DOCK2: variants seen among roughly 807,000 people sequenced by gnomAD.
DOCK2 encodes dedicator of cytokinesis 2.
In DOCK2, 87 loss-of-function variants were observed where a neutral mutation model predicts 248.9. That is an observed-to-expected ratio of 0.35 (90% confidence interval 0.29 to 0.42). The LOEUF (loss-of-function observed/expected upper bound fraction) is 0.42. DOCK2 is among the 10% of genes least tolerant of loss of function. DOCK2 has a pLI of 1.00. For missense variants in DOCK2, 1,747 were observed against 2,300.2 expected, an observed-to-expected ratio of 0.76 and a Z score of 4.92; for synonymous variants, 805 against 821.6, an observed-to-expected ratio of 0.98 and a Z score of 0.35.
intron 27 of DOCK2, among the ~76,000 whole-genome samples, chr5:169,845,597 C>T (rs527562136): frequency 6.6e-6 from 1 of 152,336 alleles, no homozygotes; most frequent in South Asian, 2.1e-4. Flanking sequence ...GCTTTCCCCT[C>T]AGATTGCTCT....
intron 34 of DOCK2, among the ~76,000 whole-genome samples, chr5:170,032,646 A>G (rs1404619958): frequency 6.6e-6 from 1 of 152,228 alleles, no homozygotes; most frequent in Non-Finnish European, 1.5e-5. Flanking sequence ...GGAGGCATGC[A>G]CAGCTGTGGC....
chr5:169,981,045 C>G (rs1026221802), intron 27 of DOCK2, among the ~76,000 whole-genome samples: 2 of 152,166 alleles, frequency 1.3e-5, no homozygotes, highest in Admixed American at 6.5e-5. Flanking sequence ...TGACAGACCC[C>G]TTGCTTAGAA....
At chr5:169,982,037 A>G (rs1216867831) in intron 27 of DOCK2, among the ~76,000 whole-genome samples, 44 of 151,318 alleles carry the variant, frequency 2.9e-4, no homozygotes, top group Admixed American at 2.8e-3. Flanking sequence ...ACTTTTTTAT[A>G]TAAAAAAGGC....
chr5:169,942,112 C>G (rs947193253), intron 27 of DOCK2, among the ~76,000 whole-genome samples: 14 of 152,142 alleles, frequency 9.2e-5, no homozygotes, highest in African/African-American at 3.4e-4. Context: ...TTGACCTTTT[C>G]CAAGGTATCA....
At chr5:169,815,564 A>C (rs1768017526) in intron 26 of DOCK2, among the ~76,000 whole-genome samples, 1 of 152,206 alleles carries the variant, frequency 6.6e-6, no homozygotes, top group African/African-American at 2.4e-5. Flanking sequence ...AAAATTCAGT[A>C]ATCAAATCAA....
intron 22 of DOCK2, among the ~76,000 whole-genome samples, chr5:169,741,321 G>T (rs777935350): frequency 1.3e-5 from 2 of 149,290 alleles, no homozygotes; most frequent in African/African-American, 2.5e-5. Context: ...TGACTTAAAT[G>T]TGCCTGCCTA....
chr5:170,056,930 A>T, intron 43 of DOCK2, 162 bp downstream of exon 43: 1 of 639,888 alleles, frequency 1.6e-6, no homozygotes, highest in East Asian at 2.8e-5. Flanking sequence ...CTCTTCCATT[A>T]GGGCCTGTGT....
At chr5:170,014,252 G>A (rs1179683394) in intron 32 of DOCK2, among the ~76,000 whole-genome samples, 2 of 152,122 alleles carry the variant, frequency 1.3e-5, no homozygotes, top group Non-Finnish European at 1.5e-5. Context: ...ATCGAGCACT[G>A]TGGTAGGCTC....
At chr5:169,691,835 T>G (rs1052502308) in intron 9 of DOCK2, among the ~76,000 whole-genome samples, 5 of 147,384 alleles carry the variant, frequency 3.4e-5, no homozygotes, top group African/African-American at 5.2e-5. Flanking sequence ...TTTGTTTTAT[T>G]TATTTATTTA....
At chr5:169,986,100 A>G (rs55891821) in intron 29 of DOCK2, among the ~76,000 whole-genome samples, 178 bp downstream of exon 29, 5,553 of 152,290 alleles carry the variant, frequency 0.036, 321 homozygotes, top group African/African-American at 0.13. Flanking sequence ...AAGCTACTCA[A>G]AAAATCGTCT....
chr5:169,738,115 G>A (rs1471743515), intron 22 of DOCK2, among the ~76,000 whole-genome samples: 1 of 152,194 alleles, frequency 6.6e-6, no homozygotes, highest in Non-Finnish European at 1.5e-5. Context: ...TGCTTGCTTG[G>A]TGGTGGGGAT....
chr5:169,991,620 G>T (rs1331623385), intron 29 of DOCK2, among the ~76,000 whole-genome samples: 3 of 152,238 alleles, frequency 2.0e-5, no homozygotes, highest in African/African-American at 2.4e-5. Context: ...TTTGAGTCAC[G>T]TGTTGGCTCT....
chr5:169,750,815 A>C (rs545043789), intron 23 of DOCK2, among the ~76,000 whole-genome samples: 1 of 152,362 alleles, frequency 6.6e-6, no homozygotes, highest in Admixed American at 6.5e-5. Context: ...TTAAAGTTAC[A>C]TTCTAATATG....
chr5:170,055,565 CT>C (rs1178124586), intron 42 of DOCK2, among the ~76,000 whole-genome samples, 179 bp downstream of exon 42: 2 of 152,256 alleles, frequency 1.3e-5, no homozygotes, highest in Non-Finnish European at 2.9e-5. Context: ...GGCTCTGCCC[CT>C]GACAAGGCTG....
In DOCK2 at chr5:170,079,095, C is replaced by T; in HGVS notation, c.5115C>T (p.Ser1705=). The T allele has an allele frequency of 6.2e-7, 1 of 1,614,114 alleles. No individual in the cohort carries two copies. The highest frequency in any genetic ancestry group is 8.5e-7 in the Non-Finnish European group (1 of 1,180,036). Residue 1705 remains serine, a synonymous_variant, in exon 49 of 52, where the codon AGC becomes AGT. Transcript: ENST00000520908. The part of the protein sequence containing the change: ...LRRSKKRTKR[S]SVVFADEKAA... ...GGTCCAAGAAGAGGACAAAGAGAAGCAGCGTAGTTTTTGCGGATGAGAAAG... is the reference window on the plus strand; with the variant it reads ...GGTCCAAGAAGAGGACAAAGAGAAGTAGCGTAGTTTTTGCGGATGAGAAAG...
rs778143770 is a variant in DOCK2, at chr5:169,983,169, G to A, written c.2898+3G>A. ...TCCAGACCAGCTCTGAACTTGTGGTGAGTCTGCAGGATGCTGGGGGTGAGG... is the reference window on the plus strand; with the variant it reads ...TCCAGACCAGCTCTGAACTTGTGGTAAGTCTGCAGGATGCTGGGGGTGAGG... On this transcript the variant is annotated splice_donor_region_variant and intron_variant, in intron 28 of 51. Transcript: ENST00000520908. 1 of 1,613,912 alleles carries A rather than the reference G, an allele frequency of 6.2e-7. No homozygotes were observed. The highest frequency in any genetic ancestry group is 1.3e-5 in the African/African-American group (1 of 74,938).
At chr5:169,715,502 A>G (rs939531110) in intron 19 of DOCK2, among the ~76,000 whole-genome samples, 5 of 152,120 alleles carry the variant, frequency 3.3e-5, no homozygotes, top group Admixed American at 6.6e-5. Context: ...ACTCCCCAAG[A>G]CACCACTTTA....
chr5:169,901,169 T>C lies in DOCK2; in HGVS notation c.2799+60317T>C, dbSNP rs370448128. ...CATTGAGGAGGGATGGTGGGTGTGA[T>C]TGAGGTGATGGGATGGGCATGAAAA... is the stretch of plus-strand genomic sequence containing the variant. On this transcript the variant is annotated intron_variant, in intron 27 of 51. Coordinates refer to ENST00000520908, the MANE Select transcript of DOCK2 (RefSeq NM_004946.3). Among the ~76,000 whole-genome samples the C allele has an allele frequency of 1.3e-3, 200 of 152,074 alleles. 4 individuals carry two copies. In the South Asian group the frequency reaches 0.039, roughly 30 times the overall value.
rs144326831 is a variant in DOCK2 at position 169,849,493 on chromosome 5, G to A, written c.2799+8641G>A. Among the ~76,000 whole-genome samples, 1,264 of 152,308 alleles carry A rather than the reference G, an allele frequency of 8.3e-3. 45 individuals carry two copies. The South Asian group carries it at 0.11, about 14-fold the overall frequency. On this transcript the variant is annotated intron_variant, in intron 27 of 51. Coordinates refer to ENST00000520908, the MANE Select transcript of DOCK2 (RefSeq NM_004946.3). Reference sequence around the variant, plus strand: ...ATTGAGCACTTTGAACTCAGTTGCCGCCTTGCCTAGATCATGGAATCTAAT... The same window carrying A: ...ATTGAGCACTTTGAACTCAGTTGCCACCTTGCCTAGATCATGGAATCTAAT...
Sources: gnomAD v4.1 joint callset for allele counts (sites outside exome capture counted in the v4.1 genomes callset) on GRCh38, gnomAD v4.1.1 for gene constraint, MANE v1.5 for transcripts, NCBI Gene and HGNC (gene_info 2026-07-23, HGNC 2026-07-21) for gene names.